ATP10A: variants seen among roughly 807,000 people sequenced by gnomAD.
ATP10A encodes phospholipid-transporting ATPase VA.
ATP10A carries 111 observed loss-of-function variants against 147.8 expected under a neutral mutation model. The ratio of observed to expected loss-of-function variants is 0.75; its 90% confidence interval spans 0.64 to 0.88. The LOEUF is 0.88. ATP10A is among the 40% of genes least tolerant of loss of function. The pLI is 0.00. For missense variants in ATP10A, 1,927 were observed against 1,959.0 expected (o/e 0.98, Z 0.31); for synonymous variants, 875 against 841.6 (o/e 1.04, Z -0.69).
In ATP10A at chr15:25,863,273, C is replaced by G. The variant is rs1168469978; in HGVS notation, c.-177G>C. On this transcript the variant is annotated 5_prime_UTR_variant, in exon 1 of 21. Transcript: ENST00000555815. ...CCAGCGCGCCCAGCCCGCGCCCAGCCCCGTCCACTCCCGTCCAGCCCCGCC... is the reference window on the plus strand; with the variant it reads ...CCAGCGCGCCCAGCCCGCGCCCAGCGCCGTCCACTCCCGTCCAGCCCCGCC... The G allele has an allele frequency of 9.0e-6, 2 of 222,038 alleles. No individual in the cohort carries two copies. The highest frequency in any genetic ancestry group is 1.3e-4 in the Admixed American group (2 of 15,932). The allele number at this position is 222,038 out of a possible 1,614,324, so 13.8% of individuals were successfully genotyped here.
intron 2 of ATP10A, among the ~76,000 whole-genome samples, chr15:25,764,573 G>C (rs1888927212): frequency 1.3e-5 from 2 of 152,158 alleles, no homozygotes; most frequent in Admixed American, 6.5e-5. Context: ...CTGCAGGCCG[G>C]GAAGAGGGCC....
At chr15:25,763,969 A>G (rs1290603226) in intron 2 of ATP10A, among the ~76,000 whole-genome samples, 1 of 152,220 alleles carries the variant, frequency 6.6e-6, no homozygotes, top group Non-Finnish European at 1.5e-5. Context: ...AGATCACAGA[A>G]GCGGATTATC....
rs2140706958 is a variant in ATP10A, at chr15:25,781,002, A to G, written c.654+17T>C. ...GGCTGTAATGCCTGCAAGGCCCTGG[A>G]AACGTGGGTCACTTACAAGCTCCGA... is the stretch of plus-strand genomic sequence containing the variant. On this transcript the variant is annotated intron_variant, in intron 2 of 20. Transcript: ENST00000555815. 1.2e-6 allele frequency: 2 copies of G among 1,612,562 alleles called. No homozygotes were observed. Among genetic ancestry groups the G allele is most frequent in the East Asian group, 4.5e-5 (2 of 44,842 alleles).
chr15:25,748,366 A>G (rs1887960142), intron 2 of ATP10A, among the ~76,000 whole-genome samples: 2 of 152,346 alleles, frequency 1.3e-5, no homozygotes, highest in South Asian at 4.1e-4. Flanking sequence ...AGAAAAATCA[A>G]TGTCATTAGA....
At chr15:25,847,609 CTTTTTTTTTTTTTTTTTTTTT>C (rs34212354) in intron 1 of ATP10A, among the ~76,000 whole-genome samples, 76 of 40,738 alleles carry the variant, frequency 1.9e-3, no homozygotes, top group African/African-American at 4.5e-3. Flanking sequence ...CAGCTACAGC[CTTTTTTTTTTTTTTTTTTTTT>C]TTTTTTTTTT....
At chr15:25,742,809 T>C (rs1042229675) in intron 2 of ATP10A, among the ~76,000 whole-genome samples, 1 of 152,178 alleles carries the variant, frequency 6.6e-6, no homozygotes, top group Admixed American at 6.5e-5. Flanking sequence ...ATTGCCCTCT[T>C]GAACGTATTT....
chr15:25,739,145 C>G (rs918732041), intron 2 of ATP10A, among the ~76,000 whole-genome samples: 1 of 152,212 alleles, frequency 6.6e-6, no homozygotes, highest in African/African-American at 2.4e-5. Flanking sequence ...TTTTGGCTCA[C>G]TGCAACCTCC....
chr15:25,695,281 T>C, intron 13 of ATP10A, 135 bp from the exon 14 acceptor site: 1 of 780,328 alleles, frequency 1.3e-6, no homozygotes, highest in Non-Finnish European at 2.0e-6. Context: ...GAGGCCACCC[T>C]CCAGAAACTG....
chr15:25,854,474 TAC>T (rs1369186682), intron 1 of ATP10A, among the ~76,000 whole-genome samples: 7 of 152,192 alleles, frequency 4.6e-5, no homozygotes, highest in Admixed American at 3.3e-4. Context: ...CAATAATTAC[TAC>T]AGACTTCATG....
rs143925957 is a variant in ATP10A, at chr15:25,741,069, G to C, written c.655-4928C>G. ...TTCCTGACGGCCCCCTGGTAGGGTA[G>C]GCAGGTGCCACAGCTCCGAACTTGC... On this transcript the variant is annotated intron_variant, in intron 2 of 20. Transcript: ENST00000555815. Among the ~76,000 whole-genome samples, 146 of 152,328 alleles carry C rather than the reference G, an allele frequency of 9.6e-4. 1 individual carries two copies. The highest frequency in any genetic ancestry group is 3.4e-3 in the Middle Eastern group (1 of 294).
intron 5 of ATP10A, among the ~76,000 whole-genome samples, chr15:25,725,636 T>G (rs530553454): frequency 6.8e-6 from 1 of 147,496 alleles, no homozygotes; most frequent in East Asian, 2.1e-4. Context: ...ATTTCTTTCT[T>G]TCTTTTTTTT....
intron 1 of ATP10A, among the ~76,000 whole-genome samples, chr15:25,783,984 T>A (rs1890046755): frequency 6.6e-6 from 1 of 152,216 alleles, no homozygotes; most frequent in African/African-American, 2.4e-5. Flanking sequence ...CGAAGGCCAG[T>A]CGGACCCCTT....
chr15:25,730,449 C>G (rs867086607), intron 3 of ATP10A, among the ~76,000 whole-genome samples: 5 of 152,168 alleles, frequency 3.3e-5, no homozygotes, highest in African/African-American at 4.8e-5. Flanking sequence ...CCCCAGGCAT[C>G]TCCCTGGTCA....
At chr15:25,724,316 T>C in intron 5 of ATP10A, among the ~76,000 whole-genome samples, 1 of 152,216 alleles carries the variant, frequency 6.6e-6, no homozygotes, top group East Asian at 1.9e-4. Flanking sequence ...GCTGACAGTG[T>C]GAGGCGCCAA....
chr15:25,826,209 A>G (rs1327144289), intron 1 of ATP10A, among the ~76,000 whole-genome samples: 4 of 152,192 alleles, frequency 2.6e-5, no homozygotes, highest in Admixed American at 2.0e-4. Flanking sequence ...AGATGTATGA[A>G]TAATGGGAGT....
intron 1 of ATP10A, among the ~76,000 whole-genome samples, chr15:25,852,396 C>T (rs1219076784): frequency 6.6e-6 from 1 of 152,194 alleles, no homozygotes; most frequent in Non-Finnish European, 1.5e-5. Context: ...CATCTAACTG[C>T]TGGCAAGGGT....
At chr15:25,737,843 C>T (rs773412512) in intron 2 of ATP10A, among the ~76,000 whole-genome samples, 15 of 152,004 alleles carry the variant, frequency 9.9e-5, no homozygotes, top group Non-Finnish European at 1.2e-4. Context: ...AAAATCAGGA[C>T]GCAAAGACAC....
rs112631447 is a variant in ATP10A at position 25,773,401 on chromosome 15, T to C, written c.654+7618A>G. On this transcript the variant is annotated intron_variant, in intron 2 of 20. Transcript: ENST00000555815. The stretch of plus-strand genomic sequence containing the variant: ...TCTGTGGACACAAGGAAGTTCCCTC[T>C]TGTTGAAAGCTGTGCTCACAAAACA... 4.3e-3 allele frequency among the ~76,000 whole-genome samples: 652 copies of C among 152,218 alleles called. 6 individuals are homozygous for C. Among genetic ancestry groups the C allele is most frequent in the African/African-American group, 0.015 (616 of 41,512 alleles).
intron 2 of ATP10A, among the ~76,000 whole-genome samples, chr15:25,777,714 T>C (rs370891267): frequency 5.9e-4 from 89 of 151,834 alleles, no homozygotes; most frequent in African/African-American, 1.9e-3. Context: ...ATCCTTCCCA[T>C]TCAATCCCTT....
Sources: allele counts gnomAD v4.1 joint callset (sites outside exome capture counted in the v4.1 genomes callset), GRCh38; gene constraint gnomAD v4.1.1; transcripts MANE v1.5; gene names NCBI Gene and HGNC (gene_info 2026-07-23, HGNC 2026-07-21).